Variants in DIP2B observed in about 807,000 individuals in gnomAD.
The protein encoded by DIP2B is disco-interacting protein 2 homolog B.
A neutral mutation model predicts 198.0 loss-of-function variants in DIP2B; 76 were observed. That is an observed-to-expected ratio of 0.38 (90% confidence interval 0.32 to 0.46). The LOEUF (loss-of-function observed/expected upper bound fraction) is 0.46, where lower values mean the gene tolerates loss of function less well. Ranked by LOEUF, DIP2B falls within the 20% of genes least tolerant of loss-of-function variation. The pLI is 0.99. For missense variants in DIP2B, 1,559 were observed against 1,978.4 expected (o/e 0.79, Z 4.02); for synonymous variants, 701 against 739.1 (o/e 0.95, Z 0.84).
intron 2 of DIP2B, among the ~76,000 whole-genome samples, chr12:50,632,594 T>C (rs1021063441): frequency 2.7e-5 from 4 of 149,626 alleles, no homozygotes; most frequent in African/African-American, 9.8e-5. Context: ...TGGAGTGCAG[T>C]GGCGTGATCT....
At chr12:50,609,393 A>G (rs1000326743) in intron 1 of DIP2B, among the ~76,000 whole-genome samples, 1 of 152,186 alleles carries the variant, frequency 6.6e-6, no homozygotes, top group African/African-American at 2.4e-5. Context: ...AACAAGATAG[A>G]AGTTTATTTC....
rs1476655932 is a variant in DIP2B at position 50,739,420 on chromosome 12, C to G, written c.4188C>G (p.Asn1396Lys). Reference protein sequence around the residue: ...GDSHLGEIWVNSPHTASGYYT... With the variant: ...GDSHLGEIWVKSPHTASGYYT... ...CACTTTTCTTGTAGATTTGGGTGAACAGTCCCCATACAGCCAGCGGCTACT... is the reference window on the plus strand; with the variant it reads ...CACTTTTCTTGTAGATTTGGGTGAAGAGTCCCCATACAGCCAGCGGCTACT... Residue 1396 changes from asparagine to lysine, a missense_variant, in exon 36 of 38, where the codon AAC becomes AAG. Coordinates refer to ENST00000301180, the MANE Select transcript of DIP2B (RefSeq NM_173602.3). 8 of 1,607,954 alleles carry G rather than the reference C, an allele frequency of 5.0e-6. No homozygotes were observed. The highest frequency in any genetic ancestry group is 1.3e-5 in the African/African-American group (1 of 74,958).
chr12:50,736,255 C>G (rs1940136951), intron 34 of DIP2B, among the ~76,000 whole-genome samples: 1 of 152,212 alleles, frequency 6.6e-6, no homozygotes, highest in South Asian at 2.1e-4. Context: ...CTTCACTTGC[C>G]TCAGCAGCCA....
intron 1 of DIP2B, among the ~76,000 whole-genome samples, chr12:50,590,288 CTT>C (rs1183697936): frequency 6.6e-6 from 1 of 152,066 alleles, no homozygotes; most frequent in East Asian, 1.9e-4. Context: ...TGTGTTTCTG[CTT>C]TCTCTCTGTT....
chr12:50,516,649 A>G (rs956775963), intron 1 of DIP2B, among the ~76,000 whole-genome samples: 1 of 152,130 alleles, frequency 6.6e-6, no homozygotes. Context: ...ACCAAAGTCA[A>G]AAAAATTGAG....
intron 1 of DIP2B, among the ~76,000 whole-genome samples, chr12:50,596,227 A>G (rs895931051): frequency 2.0e-5 from 3 of 152,236 alleles, no homozygotes; most frequent in Admixed American, 6.5e-5. Context: ...TTGTTTTAGA[A>G]GTATAAAAGT....
chr12:50,727,640 A>G, intron 28 of DIP2B, 63 bp from the exon 29 acceptor site: 1 of 1,476,008 alleles, frequency 6.8e-7, no homozygotes, highest in Admixed American at 1.7e-5. Context: ...AAGCCACAGA[A>G]GAGCAATGAT....
At chr12:50,640,314 T>A (rs1938232368) in intron 2 of DIP2B, among the ~76,000 whole-genome samples, 1 of 152,174 alleles carries the variant, frequency 6.6e-6, no homozygotes, top group Admixed American at 6.5e-5. Flanking sequence ...CTGTGCTGCA[T>A]AATCACCCTG....
chr12:50,699,249 G>T (rs954861324), intron 19 of DIP2B, 47 bp downstream of exon 19: 2 of 1,610,062 alleles, frequency 1.2e-6, no homozygotes, highest in Admixed American at 1.7e-5. Context: ...GGGATTTCAG[G>T]ATGTTACGAG....
intron 1 of DIP2B, among the ~76,000 whole-genome samples, chr12:50,519,862 A>C (rs1320978011): frequency 6.6e-6 from 1 of 150,502 alleles, no homozygotes; most frequent in Non-Finnish European, 1.5e-5. Flanking sequence ...TTTTTGGAGG[A>C]CTGTTGCTTT....
chr12:50,663,888 A>G (rs1938700471), intron 4 of DIP2B, among the ~76,000 whole-genome samples: 1 of 151,364 alleles, frequency 6.6e-6, no homozygotes. Flanking sequence ...AAAAAAAAAA[A>G]AAAAAAGCAA....
chr12:50,716,958 C>CTTTTTTTTTTTTTTTTTTTTT lies in DIP2B; in HGVS notation c.2852-1748_2852-1728dup, dbSNP rs4026694. Among the ~76,000 whole-genome samples the CTTTTTTTTTTTTTTTTTTTTT allele has an allele frequency of 4.0e-3, 234 of 58,936 alleles. 71 individuals are homozygous for CTTTTTTTTTTTTTTTTTTTTT. Among genetic ancestry groups the CTTTTTTTTTTTTTTTTTTTTT allele is most frequent in the Middle Eastern group, 0.053 (2 of 38 alleles). The allele number at this position is 58,936 out of a possible 152,430, so 38.7% of individuals were successfully genotyped here. A position where few individuals can be genotyped will look rare whatever the true frequency, so the allele number is the denominator to read the frequency against. On this transcript the variant is annotated intron_variant, in intron 23 of 37. Transcript: ENST00000301180. ...CCTATCCTAGATTTACGAATTGTTG[C>CTTTTTTTTTTTTTTTTTTTTT]TTTTTTTTTTTTTTTTTTTTTTTGA...
At chr12:50,632,438 C>T (rs1380936322) in intron 2 of DIP2B, among the ~76,000 whole-genome samples, 3 of 139,252 alleles carry the variant, frequency 2.2e-5, no homozygotes, top group African/African-American at 8.1e-5. Context: ...GAGATTGTGC[C>T]ACTGCACTCC....
chr12:50,589,245 T>G (rs1958798129), intron 1 of DIP2B, among the ~76,000 whole-genome samples: 2 of 151,020 alleles, frequency 1.3e-5, no homozygotes, highest in South Asian at 4.2e-4. Flanking sequence ...TTTGTTTTTT[T>G]TTTTTTTGAG....
At chr12:50,604,779 A>C (rs985016609) in intron 1 of DIP2B, among the ~76,000 whole-genome samples, 7 of 152,152 alleles carry the variant, frequency 4.6e-5, no homozygotes, top group Non-Finnish European at 8.8e-5. Flanking sequence ...GATATGCCTG[A>C]TACCAGTTCT....
chr12:50,725,642 A>G (rs1298544275), intron 28 of DIP2B, among the ~76,000 whole-genome samples: 2 of 152,312 alleles, frequency 1.3e-5, no homozygotes, highest in East Asian at 1.9e-4. Context: ...AATCATAATG[A>G]TAACATCTAA....
chr12:50,731,478 T>C lies in DIP2B; in HGVS notation c.3751T>C (p.Ser1251Pro), dbSNP rs1565885118. The C allele has an allele frequency of 1.2e-6, 2 of 1,614,180 alleles. No individual in the cohort carries two copies. The highest frequency in any genetic ancestry group is 1.7e-6 in the Non-Finnish European group (2 of 1,180,008). ...NQYKIRDTFCSYSVMELCTKG... is the reference protein window; with the variant it reads ...NQYKIRDTFCPYSVMELCTKG... ...GTACAAAATAAGGGACACTTTCTGC[T>C]CCTATTCAGTGATGGAGCTCTGCAC... The change falls in exon 31 of 38, where the codon TCC (serine) becomes CCC (proline). Residue 1251 changes from serine to proline, a missense_variant. Coordinates refer to ENST00000301180, the MANE Select transcript of DIP2B (RefSeq NM_173602.3).
chr12:50,530,459 T>C lies in DIP2B; in HGVS notation c.100+25219T>C, dbSNP rs530850584. Among the ~76,000 whole-genome samples, 4 of 152,302 alleles carry C rather than the reference T, an allele frequency of 2.6e-5. No homozygotes were observed. The East Asian group carries it at 7.7e-4, about 29-fold the overall frequency. ...CATTCATGGGAAGCCACTGAAGTAT[T>C]GTAAGCAGGAGTGGATGACATCTGT... is the stretch of plus-strand genomic sequence containing the variant. On this transcript the variant is annotated intron_variant, in intron 1 of 37. Coordinates refer to ENST00000301180, the MANE Select transcript of DIP2B (RefSeq NM_173602.3).
intron 1 of DIP2B, among the ~76,000 whole-genome samples, chr12:50,547,051 G>A (rs1432470862): frequency 6.6e-6 from 1 of 152,034 alleles, no homozygotes; most frequent in Admixed American, 6.6e-5. Context: ...GACCTTCGTG[G>A]TACTATTAAC....
Sources: allele counts gnomAD v4.1 joint callset (sites outside exome capture counted in the v4.1 genomes callset), GRCh38; gene constraint gnomAD v4.1.1; transcripts MANE v1.5; gene names NCBI Gene and HGNC (gene_info 2026-07-23, HGNC 2026-07-21).